Variants in TLN2 observed in about 807,000 individuals in gnomAD.
TLN2 encodes the protein talin 2.
TLN2 carries 118 observed loss-of-function variants against 294.7 expected under a neutral mutation model. The observed-to-expected ratio is 0.40, with a 90% CI of 0.34 to 0.47. The LOEUF (loss-of-function observed/expected upper bound fraction) is 0.47, where lower values mean the gene tolerates loss of function less well. Among genes scored for constraint, TLN2 ranks in the 20% least tolerant of loss-of-function variants. The pLI, the probability that TLN2 is intolerant of heterozygous loss-of-function variation, is 0.84. For synonymous variants in TLN2, 1,431 were observed against 1,304.5 expected (o/e 1.10, Z -2.09); for missense variants, 3,083 against 3,282.2 (o/e 0.94, Z 1.48).
intron 1 of TLN2, among the ~76,000 whole-genome samples, chr15:62,562,324 C>T (rs1018494517): frequency 3.9e-5 from 6 of 152,144 alleles, no homozygotes; most frequent in Admixed American, 3.3e-4. Context: ...TGCGGCAAGG[C>T]ATCGTGGGAC....
At chr15:62,640,766 A>C (rs2050973232) in intron 3 of TLN2, among the ~76,000 whole-genome samples, 1 of 152,174 alleles carries the variant, frequency 6.6e-6, no homozygotes, top group African/African-American at 2.4e-5. Flanking sequence ...TGCGATAAGA[A>C]TAAACACAGG....
intron 47 of TLN2, 45 bp downstream of exon 47, chr15:62,796,338 C>A: frequency 6.4e-7 from 1 of 1,563,214 alleles, no homozygotes; most frequent in Non-Finnish European, 8.6e-7. Context: ...CTGGCCTGCC[C>A]CTGAAACTCA....
At chr15:62,481,503 C>T (rs1045260339) in intron 1 of TLN2, among the ~76,000 whole-genome samples, 10 of 152,270 alleles carry the variant, frequency 6.6e-5, no homozygotes, top group African/African-American at 2.4e-4. Flanking sequence ...GCTGAAACTA[C>T]AGGCACATGC....
intron 27 of TLN2, among the ~76,000 whole-genome samples, chr15:62,726,339 A>G (rs1020431792): frequency 2.0e-5 from 3 of 152,200 alleles, no homozygotes; most frequent in African/African-American, 7.2e-5. Context: ...TTTAAAATGC[A>G]TTTGTTTTCT....
chr15:62,601,739 TGAAATTTATCTTG>T (rs1195592400), intron 2 of TLN2, among the ~76,000 whole-genome samples: 3 of 152,234 alleles, frequency 2.0e-5, no homozygotes, highest in African/African-American at 7.2e-5. Flanking sequence ...TTGTTCACAC[TGAAATTTATCTTG>T]GAAAGTCGGG....
chr15:62,681,336 A>G (rs1325499577), intron 11 of TLN2, among the ~76,000 whole-genome samples: 1 of 152,244 alleles, frequency 6.6e-6, no homozygotes, highest in African/African-American at 2.4e-5. Context: ...CTACTTTTAT[A>G]GGATTCTATT....
chr15:62,566,624 CT>C (rs757929282), intron 1 of TLN2, among the ~76,000 whole-genome samples: 2,563 of 135,470 alleles, frequency 0.019, 27 homozygotes, highest in Non-Finnish European at 0.022. Context: ...AGAAACCTTC[CT>C]TTTTTTTTTT....
intron 1 of TLN2, among the ~76,000 whole-genome samples, chr15:62,545,896 C>G (rs1175357549): frequency 6.6e-6 from 1 of 152,174 alleles, no homozygotes; most frequent in Non-Finnish European, 1.5e-5. Context: ...TTTCACCATG[C>G]TTGGGAGAGA....
chr15:62,686,176 T>A (rs1386495817), intron 11 of TLN2, among the ~76,000 whole-genome samples: 1 of 152,164 alleles, frequency 6.6e-6, no homozygotes, highest in African/African-American at 2.4e-5. Flanking sequence ...TTTCAGAGAT[T>A]TAAAAAAAAG....
In TLN2 at chr15:62,828,265, G is replaced by A. The variant is rs139899776; in HGVS notation, c.7003-5239G>A. 9 of 152,384 alleles carry A rather than the reference G, an allele frequency of 5.9e-5. No homozygotes were observed. In the East Asian group the frequency reaches 1.5e-3, roughly 26 times the overall value. 9.4% of individuals were successfully genotyped at this position (152,384 alleles called of 1,614,324 possible). On this transcript the variant is annotated intron_variant, in intron 54 of 58. Transcript: ENST00000636159. ...AGAAGCTACCAAAAAGCCCAGGTAG[G>A]GATAAATCTGTCCTCAGCAAGAGTT...
chr15:62,435,304 A>G (rs186266580), intron 1 of TLN2, among the ~76,000 whole-genome samples: 68 of 152,318 alleles, frequency 4.5e-4, no homozygotes, highest in African/African-American at 1.5e-3. Flanking sequence ...GCTGGGTCAA[A>G]TGGTATTTCT....
intron 1 of TLN2, among the ~76,000 whole-genome samples, chr15:62,581,996 A>G (rs1193018449): frequency 1.3e-5 from 2 of 151,526 alleles, no homozygotes; most frequent in African/African-American, 2.4e-5. Flanking sequence ...GTGAGCCAAG[A>G]TTGTGCCGCT....
intron 1 of TLN2, among the ~76,000 whole-genome samples, chr15:62,541,460 C>T (rs1191576452): frequency 6.6e-6 from 1 of 152,154 alleles, no homozygotes; most frequent in Non-Finnish European, 1.5e-5. Context: ...GGTTTTGACC[C>T]TGGATGGTGC....
At chr15:62,837,038 CAATTTTCGAGATTTTTTT>C (rs1438504304) in intron 57 of TLN2, among the ~76,000 whole-genome samples, 1 of 152,062 alleles carries the variant, frequency 6.6e-6, no homozygotes, top group African/African-American at 2.4e-5. Context: ...ATTTTGTTTC[CAATTTTCGAGATTTTTTT>C]ATTGTAAGTG....
chr15:62,687,523 A>G (rs1299529115), intron 12 of TLN2, among the ~76,000 whole-genome samples: 1 of 152,214 alleles, frequency 6.6e-6, no homozygotes, highest in Non-Finnish European at 1.5e-5. Context: ...GCAGAGTATA[A>G]CTCTATGCCT....
chr15:62,674,594 CCT>C (rs1237508268), intron 10 of TLN2, among the ~76,000 whole-genome samples: 3 of 151,448 alleles, frequency 2.0e-5, no homozygotes, highest in Non-Finnish European at 2.9e-5. Flanking sequence ...CTCCCCCCGC[CCT>C]GTTCAAGTGA....
intron 54 of TLN2, among the ~76,000 whole-genome samples, chr15:62,822,051 T>A (rs2067616083): frequency 2.6e-5 from 4 of 152,194 alleles, no homozygotes; most frequent in Admixed American, 2.6e-4. Flanking sequence ...CTGGTGCTAA[T>A]TTAACATTAA....
At chr15:62,798,555 C>CA (rs370925643) in intron 48 of TLN2, among the ~76,000 whole-genome samples, 4,756 of 143,122 alleles carry the variant, frequency 0.033, 96 homozygotes, top group Admixed American at 0.045. Context: ...AAAAACAAAA[C>CA]AAAAAAAAAA....
chr15:62,651,936 G>A, intron 5 of TLN2, 69 bp from the exon 6 acceptor site: 2 of 1,450,682 alleles, frequency 1.4e-6, no homozygotes, highest in Admixed American at 4.5e-5. Flanking sequence ...ATTTTTTAAA[G>A]AAAAGTGTTC....
Sources: gnomAD v4.1 joint callset for allele counts (sites outside exome capture counted in the v4.1 genomes callset) on GRCh38, gnomAD v4.1.1 for gene constraint, MANE v1.5 for transcripts, NCBI Gene and HGNC (gene_info 2026-07-23, HGNC 2026-07-21) for gene names.